The following SMTN variants were observed in gnomAD, a reference collection of about 807,000 sequenced individuals.
SMTN encodes the protein smoothelin.
A neutral mutation model predicts 102.0 loss-of-function variants in SMTN; 58 were observed. The ratio of observed to expected loss-of-function variants is 0.57; its 90% confidence interval spans 0.46 to 0.71. The LOEUF (loss-of-function observed/expected upper bound fraction) is 0.71. Ranked by LOEUF, SMTN falls within the 30% of genes least tolerant of loss-of-function variation. The pLI is 0.00. For missense variants in SMTN, 1,185 were observed against 1,241.7 expected (o/e 0.95, Z 0.69); for synonymous variants, 478 against 497.9 (o/e 0.96, Z 0.53).
intron 18 of SMTN, 135 bp downstream of exon 18, chr22:31,099,314 G>T: frequency 1.6e-6 from 1 of 638,786 alleles, no homozygotes. Flanking sequence ...AAAGGCTCTT[G>T]GGGTGAGGAA....
chr22:31,100,018 A>G, intron 19 of SMTN, 122 bp downstream of exon 19: 1 of 925,492 alleles, frequency 1.1e-6, no homozygotes, highest in South Asian at 1.7e-5. Flanking sequence ...AGCGGCTGAG[A>G]CCCCCTTCCC....
At chr22:31,091,938 T>G in intron 11 of SMTN, 91 bp downstream of exon 11, 3 of 1,195,062 alleles carry the variant, frequency 2.5e-6, no homozygotes, top group Non-Finnish European at 3.5e-6. Flanking sequence ...CCTCTGCTCC[T>G]CCCCTACTGC....
At chr22:31,103,019 G>A (rs902091587) in intron 20 of SMTN, 4 of 152,226 alleles carry the variant, frequency 2.6e-5, no homozygotes, top group African/African-American at 9.7e-5. Flanking sequence ...CTAAAGAGGG[G>A]GAAACAGTCA....
At chr22:31,077,398 A>AAC (rs1288824898), upstream of SMTN, among the ~76,000 whole-genome samples, 2 of 151,128 alleles carry the variant, frequency 1.3e-5, no homozygotes, top group Non-Finnish European at 3.0e-5. Flanking sequence ...AACAAAACAA[A>AAC]AAAAAAAACA....
intron 17 of SMTN, 36 bp from the exon 18 acceptor site, chr22:31,099,026 T>G (rs370982472): frequency 2.6e-5 from 42 of 1,587,258 alleles, no homozygotes; most frequent in Middle Eastern, 1.7e-4. Flanking sequence ...ATGCCCCTTA[T>G]AGTCGTGTGA....
In SMTN at chr22:31,099,108, G is replaced by C; in HGVS notation, c.2380G>C (p.Gly794Arg). ...RAAVQRSTSF[G>R]VPNANSIKQM... ...AGCCGTGCAGCGATCCACCAGCTTC[G>C]GGGTCCCCAACGCCAACAGCATCAA... The change falls in exon 18 of 21, where the codon GGG (glycine) becomes CGG (arginine). Residue 794 changes from glycine (G) to arginine (R), a missense_variant. Around this residue, in one of 2 missense-constraint regions of SMTN, gnomAD observed 1,096 missense variants for 1,112.7 expected, o/e 0.98. Coordinates refer to ENST00000333137, the MANE Select transcript of SMTN (RefSeq NM_134269.3). The C allele has an allele frequency of 1.9e-6, 3 of 1,613,266 alleles. No individual in the cohort carries two copies. The highest frequency in any genetic ancestry group is 4.5e-5 in the East Asian group (2 of 44,862).
Position 31,095,670 on chromosome 22 carries a change from T to C in SMTN, c.1861+61T>C, listed in dbSNP as rs994250042. 13 of 1,448,382 alleles carry C rather than the reference T, an allele frequency of 9.0e-6. No homozygotes were observed. Among genetic ancestry groups the C allele is most frequent in the Non-Finnish European group, 1.2e-5 (13 of 1,053,668 alleles). 89.7% of individuals were successfully genotyped at this position (1,448,382 alleles called of 1,614,324 possible). On this transcript the variant is annotated intron_variant, in intron 13 of 20. Transcript: ENST00000333137. The surrounding 1 kb of genome is among the most constrained non-coding windows in gnomAD (Gnocchi z 4.1). ...CCCCATTCCCCAGCTGCTCCCCTCA[T>C]ACTCTGGGGTCCATTTGTGGACACC...
chr22:31,099,086 C>A lies in SMTN; in HGVS notation c.2358C>A (p.Ala786=), dbSNP rs1185060906. 1.2e-6 allele frequency: 2 copies of A among 1,612,746 alleles called. No individual in the cohort carries two copies. The highest frequency in any genetic ancestry group is 2.2e-5 in the South Asian group (2 of 91,074). The change falls in exon 18 of 21, where the codon GCC becomes GCA. Residue 786 remains alanine, a synonymous_variant. Coordinates refer to ENST00000333137, the MANE Select transcript of SMTN (RefSeq NM_134269.3). ...AAGSPGGPRA[A]VQRSTSFGVP... is the part of the protein sequence containing the mutation. ...GCAGCCCTGGCGGACCCCGCGCAGC[C>A]GTGCAGCGATCCACCAGCTTCGGGG...
intron 17 of SMTN, 82 bp from the exon 18 acceptor site, chr22:31,098,980 C>G (rs903146588): frequency 2.6e-6 from 4 of 1,536,120 alleles, no homozygotes; most frequent in African/African-American, 2.7e-5. Flanking sequence ...TCATGGAAGG[C>G]GGGGCCTGGG....
chr22:31,071,658 G>A (rs1193926076), intron 1 of SMTN, among the ~76,000 whole-genome samples: 5 of 150,764 alleles, frequency 3.3e-5, no homozygotes, highest in African/African-American at 4.9e-5. Flanking sequence ...ATTCAACTGG[G>A]GAAATAGTTC....
rs1409538354 is a variant in SMTN at position 31,096,787 on chromosome 22, G to A, written c.1916G>A (p.Gly639Glu). The A allele has an allele frequency of 6.4e-7, 1 of 1,567,484 alleles. No homozygotes were observed. The highest frequency in any genetic ancestry group is 1.3e-5 in the African/African-American group (1 of 74,086). The change falls in exon 14 of 21, where the codon GGG (glycine) becomes GAG (glutamate). Residue 639 changes from glycine to glutamate, a missense_variant. Around this residue, in one of 2 missense-constraint regions of SMTN, gnomAD observed 1,096 missense variants for 1,112.7 expected, o/e 0.98. Transcript: ENST00000333137. ...CTGCAGGAGGCACGGGGCCGGCCAG[G>A]GGAGGGGCGCGGCAACACAGCCACT... ...RRLQEARGRPGEGRGNTATET... is the reference protein window; with the variant it reads ...RRLQEARGRPEEGRGNTATET...
chr22:31,067,573 T>C (rs1380076863), intron 1 of SMTN: 4 of 62,468 alleles, frequency 6.4e-5, no homozygotes, highest in African/African-American at 2.4e-4. Flanking sequence ...TTTTTTTTTT[T>C]GAGACGAGTC....
intron 1 of SMTN, chr22:31,064,484 T>A (rs1484030566): frequency 1.3e-5 from 2 of 152,168 alleles, no homozygotes; most frequent in East Asian, 3.9e-4. Flanking sequence ...TCTCACTTTG[T>A]CAAGATTTCA....
intron 2 of SMTN, 60 bp from the exon 3 acceptor site, chr22:31,087,905 G>A: frequency 1.3e-6 from 2 of 1,512,458 alleles, no homozygotes; most frequent in South Asian, 2.6e-5. Flanking sequence ...GCCGTGGGCA[G>A]CTGGTGCCAG....
chr22:31,094,091 C>A (rs2043368796), intron 11 of SMTN, among the ~76,000 whole-genome samples: 1 of 152,194 alleles, frequency 6.6e-6, no homozygotes, highest in East Asian at 1.9e-4. Context: ...TGACCCAGGC[C>A]CCAGCCCCCA....
chr22:31,070,798 C>A (rs1371801776), intron 1 of SMTN, among the ~76,000 whole-genome samples: 1 of 151,958 alleles, frequency 6.6e-6, no homozygotes. Flanking sequence ...GTGGCAGGAG[C>A]CTGTAATCCC....
intron 2 of SMTN, chr22:31,084,928 C>T: frequency 4.5e-6 from 6 of 1,344,630 alleles, no homozygotes; most frequent in South Asian, 1.7e-5. Context: ...CGTCCCGAGC[C>T]GGGCTCCTCC....
Position 31,099,072 on chromosome 22 carries a change from G to C in SMTN, c.2344G>C (p.Gly782Arg). 1 of 1,611,822 alleles carries C rather than the reference G, an allele frequency of 6.2e-7. No individual in the cohort carries two copies. Among genetic ancestry groups the C allele is most frequent in the African/African-American group, 1.3e-5 (1 of 75,022 alleles). ...ACACCGCCCCTACAGCAGCCCTGGC[G>C]GACCCCGCGCAGCCGTGCAGCGATC... is the stretch of plus-strand genomic sequence containing the variant. ...EKEGAAGSPGGPRAAVQRSTS... is the reference protein window; with the variant it reads ...EKEGAAGSPGRPRAAVQRSTS... The change falls in exon 18 of 21, where the codon GGA becomes CGA. Residue 782 changes from glycine (G) to arginine (R), a missense_variant. Transcript: ENST00000333137.
chr22:31,103,894 T>A (rs1035208426), intron 20 of SMTN: 1 of 183,808 alleles, frequency 5.4e-6, no homozygotes, highest in Non-Finnish European at 1.2e-5. Context: ...TATCCATAGA[T>A]AAAGATTGGC....
Sources: gnomAD v4.1 joint callset for allele counts (sites outside exome capture counted in the v4.1 genomes callset) on GRCh38, gnomAD v4.1.1 for gene constraint, gnomAD v4.1.1 regional missense constraint, Gnocchi (gnomAD v3.1) non-coding constraint, MANE v1.5 for transcripts, NCBI Gene and HGNC (gene_info 2026-07-23, HGNC 2026-07-21) for gene names.